SLC26A7: variants seen among roughly 807,000 people sequenced by gnomAD.
SLC26A7 encodes the protein solute carrier family 26 member 7, also known as anion exchange transporter.
Under a neutral mutation model 82.5 loss-of-function variants are expected in SLC26A7, and 59 were observed. The observed-to-expected ratio is 0.72, with a 90% CI of 0.58 to 0.89. The LOEUF (loss-of-function observed/expected upper bound fraction) is 0.89, where lower values mean the gene tolerates loss of function less well. Among genes scored for constraint, SLC26A7 ranks in the 40% least tolerant of loss-of-function variants. The pLI is 0.00. For missense variants in SLC26A7, 820 were observed against 793.0 expected (o/e 1.03, Z -0.41); for synonymous variants, 271 against 274.3 (o/e 0.99, Z 0.12).
intron 2 of SLC26A7, among the ~76,000 whole-genome samples, chr8:91,274,599 C>A (rs1043850473): frequency 5.3e-5 from 8 of 152,190 alleles, no homozygotes; most frequent in African/African-American, 1.9e-4. Flanking sequence ...AAGAGTGGAG[C>A]CCTCATAACT....
At position 91,282,592 on chromosome 8, in the gene SLC26A7, T is replaced by C. The variant is rs559271049; in HGVS notation, c.194-6544T>C. ...TTGTGATTGTGGCATCAACTTTGACTTCAGATGCTCCTTCCTAGCCCTGCC... is the reference window on the plus strand; with the variant it reads ...TTGTGATTGTGGCATCAACTTTGACCTCAGATGCTCCTTCCTAGCCCTGCC... On this transcript the variant is annotated intron_variant, in intron 2 of 18. Transcript: ENST00000276609. Among the ~76,000 whole-genome samples the C allele has an allele frequency of 2.0e-5, 3 of 152,300 alleles. No individual in the cohort carries two copies. The South Asian group carries it at 6.2e-4, about 32-fold the overall frequency.
At chr8:91,213,859 G>A (rs1355308677) in intron 1 of SLC26A7, among the ~76,000 whole-genome samples, 1 of 152,138 alleles carries the variant, frequency 6.6e-6, no homozygotes, top group East Asian at 1.9e-4. Context: ...AGTTAGGTTG[G>A]TTTGTGGATA....
Position 91,362,429 on chromosome 8 carries a change from C to T in SLC26A7, c.1391C>T (p.Thr464Ile). The change falls in exon 12 of 19, where the codon ACC becomes ATC. Residue 464 changes from threonine to isoleucine, a missense_variant. Transcript: ENST00000276609. The stretch of plus-strand genomic sequence containing the variant: ...GGACTGCTGTTTGGTGTTGTTTGTA[C>T]CATAGCTATAGTGATAGGACGCTTC... ...NVGLLFGVVC[T>I]IAIVIGRFPR... The T allele has an allele frequency of 6.2e-7, 1 of 1,613,166 alleles. No homozygotes were observed. The highest frequency in any genetic ancestry group is 8.5e-7 in the Non-Finnish European group (1 of 1,179,340).
At chr8:91,270,782 G>A (rs923208726) in intron 2 of SLC26A7, among the ~76,000 whole-genome samples, 2 of 152,020 alleles carry the variant, frequency 1.3e-5, no homozygotes, top group African/African-American at 2.4e-5. Context: ...TGTTCTTTTC[G>A]CTAGTTTTTA....
chr8:91,371,396 CT>C (rs1054033762), intron 15 of SLC26A7, among the ~76,000 whole-genome samples: 27 of 151,772 alleles, frequency 1.8e-4, no homozygotes, highest in Non-Finnish European at 3.2e-4. Flanking sequence ...ATTTCCTACC[CT>C]CCCTACTTTT....
chr8:91,278,493 A>G (rs1031915311), intron 2 of SLC26A7, among the ~76,000 whole-genome samples: 1 of 152,218 alleles, frequency 6.6e-6, no homozygotes, highest in Non-Finnish European at 1.5e-5. Context: ...CAGAGGTATC[A>G]TAGAGTAAAA....
intron 2 of SLC26A7, among the ~76,000 whole-genome samples, chr8:91,287,492 C>T (rs1265754955): frequency 1.3e-5 from 2 of 152,172 alleles, no homozygotes; most frequent in East Asian, 1.9e-4. Context: ...AATTTTGATC[C>T]TGTCAGTATT....
At chr8:91,332,176 T>TAA (rs934065126) in intron 5 of SLC26A7, among the ~76,000 whole-genome samples, 6 of 146,516 alleles carry the variant, frequency 4.1e-5, no homozygotes, top group Non-Finnish European at 9.0e-5. Context: ...CATATATATA[T>TAA]AATATGTTTT....
intron 5 of SLC26A7, among the ~76,000 whole-genome samples, chr8:91,326,924 C>A (rs1470640876): frequency 2.6e-5 from 4 of 152,114 alleles, no homozygotes; most frequent in Non-Finnish European, 2.9e-5. Context: ...CTTCACATGG[C>A]CTTCCCTGCT....
rs1328441802 is a variant in SLC26A7, at chr8:91,396,109, CACCAA to C, written c.*1018_*1022del. 2 of 151,840 alleles carry C rather than the reference CACCAA, an allele frequency of 1.3e-5. No individual in the cohort carries two copies. The highest frequency in any genetic ancestry group is 2.9e-5 in the Non-Finnish European group (2 of 67,870). The allele number at this position is 151,840 out of a possible 1,614,324, so 9.4% of individuals were successfully genotyped here. ...AGCTTGATGTGATTATCTTCAAACC[CACCAA>C]ACCAACAGGATAATTGACAAATAAA... On this transcript the variant is annotated 3_prime_UTR_variant, in exon 19 of 19. Coordinates refer to ENST00000276609, the MANE Select transcript of SLC26A7 (RefSeq NM_052832.4).
At chr8:91,338,377 T>C (rs1813304349) in intron 7 of SLC26A7, 145 bp downstream of exon 7, 2 of 528,720 alleles carry the variant, frequency 3.8e-6, no homozygotes, top group East Asian at 3.3e-5. Flanking sequence ...ACACACTTCA[T>C]GTGTAGAGAA....
chr8:91,334,170 C>G (rs893102244), intron 5 of SLC26A7, 125 bp from the exon 6 acceptor site: 14 of 880,900 alleles, frequency 1.6e-5, no homozygotes, highest in East Asian at 2.6e-5. Context: ...CTACCTATAT[C>G]TTTCCTCTCC....
chr8:91,260,661 G>A (rs918897194), intron 2 of SLC26A7, among the ~76,000 whole-genome samples: 2 of 152,074 alleles, frequency 1.3e-5, no homozygotes, highest in Non-Finnish European at 2.9e-5. Flanking sequence ...GCTCCTTCTG[G>A]TGGCTCCTCT....
chr8:91,336,871 A>G (rs1477361557), intron 6 of SLC26A7, among the ~76,000 whole-genome samples: 1 of 152,140 alleles, frequency 6.6e-6, no homozygotes, highest in Admixed American at 6.6e-5. Context: ...TAGCTATGGC[A>G]TATTTTCTTT....
intron 2 of SLC26A7, among the ~76,000 whole-genome samples, chr8:91,236,812 A>G (rs1338881672): frequency 6.6e-6 from 1 of 152,210 alleles, no homozygotes; most frequent in Admixed American, 6.5e-5. Context: ...TTCTGACATT[A>G]TTATTTACTA....
rs1190545563 is a variant in SLC26A7 at position 91,289,142 on chromosome 8, C to T, written c.200C>T (p.Ala67Val). The T allele has an allele frequency of 2.5e-6, 4 of 1,612,544 alleles. No homozygotes were observed. The highest frequency in any genetic ancestry group is 3.4e-6 in the Non-Finnish European group (4 of 1,178,696). Residue 67 changes from alanine to valine, a missense_variant, in exon 3 of 19, where the codon GCC becomes GTC. By Grantham distance (64) the Ala-to-Val change is moderately conservative. Transcript: ENST00000276609. Reference protein sequence around the residue: ...LAVQQVTQGLAFAVLSSVHPV... With the variant: ...LAVQQVTQGLVFAVLSSVHPV... ...ACCCTAGTCTTCTTCACAGGATTGGCCTTTGCTGTTCTCTCATCTGTGCAC... is the reference window on the plus strand; with the variant it reads ...ACCCTAGTCTTCTTCACAGGATTGGTCTTTGCTGTTCTCTCATCTGTGCAC...
chr8:91,393,151 A>C (rs1169410822), intron 16 of SLC26A7, among the ~76,000 whole-genome samples: 1 of 152,178 alleles, frequency 6.6e-6, no homozygotes, highest in Non-Finnish European at 1.5e-5. Flanking sequence ...GCCTAAATTT[A>C]CTTTTACAGA....
chr8:91,298,774 G>A (rs1043337793), intron 4 of SLC26A7, among the ~76,000 whole-genome samples: 2 of 152,078 alleles, frequency 1.3e-5, no homozygotes, highest in African/African-American at 4.8e-5. Context: ...CTTCCCTAAT[G>A]CTGCTATGTA....
At chr8:91,287,100 G>A (rs1024645558) in intron 2 of SLC26A7, among the ~76,000 whole-genome samples, 8 of 152,172 alleles carry the variant, frequency 5.3e-5, no homozygotes, top group African/African-American at 1.4e-4. Context: ...CAATATCAGT[G>A]TAATATGAGA....
Sources: gnomAD v4.1 joint callset for allele counts (sites outside exome capture counted in the v4.1 genomes callset) on GRCh38, gnomAD v4.1.1 for gene constraint, MANE v1.5 for transcripts, NCBI Gene and HGNC (gene_info 2026-07-23, HGNC 2026-07-21) for gene names.